The following CRNKL1 variants were observed in gnomAD, a reference collection of about 807,000 sequenced individuals.
CRNKL1 encodes the protein crooked neck-like protein 1.
In CRNKL1, 35 loss-of-function variants were observed where a neutral mutation model predicts 103.7. That is an observed-to-expected ratio of 0.34 (90% CI 0.26 to 0.45). The LOEUF (loss-of-function observed/expected upper bound fraction) is 0.45. CRNKL1 is among the 20% of genes least tolerant of loss of function. The pLI is 1.00. For synonymous variants in CRNKL1, 267 were observed against 282.6 expected (o/e 0.94, Z 0.55); for missense variants, 645 against 836.0 (o/e 0.77, Z 2.82).
upstream of CRNKL1, chr20:20,052,777 AG>A: frequency 6.6e-7 from 1 of 1,505,946 alleles, no homozygotes; most frequent in East Asian, 2.4e-5. Flanking sequence ...CGGGGGAAGA[AG>A]GGAGAGCGAG....
chr20:20,045,934 A>C (rs1285580856), intron 5 of CRNKL1, among the ~76,000 whole-genome samples: 1 of 152,216 alleles, frequency 6.6e-6, no homozygotes, highest in African/African-American at 2.4e-5. Flanking sequence ...ATGGCACCGT[A>C]AGCGGTCAAT....
chr20:20,052,700 TGGCTCTGTCGA>T, upstream of CRNKL1: 1 of 1,611,832 alleles, frequency 6.2e-7, no homozygotes, highest in Non-Finnish European at 8.5e-7. Flanking sequence ...CGAGGACGAG[TGGCTCTGTCGA>T]GCCGTGGCGC....
In CRNKL1 at chr20:20,037,468, C is replaced by G. The variant is rs371058193; in HGVS notation, c.1751G>C (p.Cys584Ser). ...YEEANKTMRN[C>S]EEKEERLMLL... ...CATAAGTCTCTCTTCCTTTTCTTCA[C>G]AGTTTCGCATGGTTTTGTTAGCTTC... Residue 584 changes from cysteine (C) to serine (S), a missense_variant, in exon 13 of 14, where the codon TGT (cysteine) becomes TCT (serine). Physicochemically the swap from Cys to Ser is moderately radical, Grantham distance 112. Transcript: ENST00000536226. 3.1e-5 allele frequency: 50 copies of G among 1,614,066 alleles called. No individual in the cohort carries two copies. Among genetic ancestry groups the G allele is most frequent in the Non-Finnish European group, 4.0e-5 (47 of 1,180,052 alleles).
chr20:20,040,585 T>C lies in CRNKL1; in HGVS notation c.1305+101A>G, dbSNP rs1022776757. On this transcript the variant is annotated intron_variant, in intron 10 of 13. Transcript: ENST00000536226. The stretch of plus-strand genomic sequence containing the variant: ...CCAGGCTATAAAGGTATAATACTTC[T>C]GTCACTCTTTAAAGTAGGAACTGTA... 281 of 863,482 alleles carry C rather than the reference T, an allele frequency of 3.3e-4. 2 individuals carry two copies. The highest frequency in any genetic ancestry group is 2.3e-5 in the Non-Finnish European group (12 of 528,100). 53.5% of individuals were successfully genotyped at this position (863,482 alleles called of 1,614,324 possible). A position where few individuals can be genotyped will look rare whatever the true frequency, so the allele number is the denominator to read the frequency against.
At chr20:20,051,511 G>A (rs1291427574) in intron 1 of CRNKL1, among the ~76,000 whole-genome samples, 1 of 152,198 alleles carries the variant, frequency 6.6e-6, no homozygotes, top group African/African-American at 2.4e-5. Context: ...GTGGAGTAAT[G>A]ATGATAATGG....
At chr20:20,054,342 C>T (rs1440642370), upstream of CRNKL1, among the ~76,000 whole-genome samples, 2 of 151,358 alleles carry the variant, frequency 1.3e-5, no homozygotes, top group South Asian at 2.1e-4. Context: ...AACTATGGGC[C>T]GTAGACTAAA....
upstream of CRNKL1, chr20:20,055,912 C>T (rs761311649): frequency 9.4e-6 from 14 of 1,484,936 alleles, no homozygotes; most frequent in Admixed American, 1.7e-5. Flanking sequence ...GAAATTGAGA[C>T]AATGAGAGAG....
At chr20:20,041,189 G>A (rs1174366037) in intron 9 of CRNKL1, among the ~76,000 whole-genome samples, 1 of 152,038 alleles carries the variant, frequency 6.6e-6, no homozygotes. Context: ...ACAAGGCGGA[G>A]GTAACATCTC....
chr20:20,038,700 A>G, intron 11 of CRNKL1: 1 of 347,660 alleles, frequency 2.9e-6, no homozygotes. Context: ...AAGTTTTTCA[A>G]ATGCTTGACT....
chr20:20,048,625 T>TA (rs919675566), intron 3 of CRNKL1, 124 bp from the exon 4 acceptor site: 2 of 898,984 alleles, frequency 2.2e-6, no homozygotes, highest in Non-Finnish European at 3.3e-6. Flanking sequence ...GTTCTGGGCA[T>TA]AAAAAAATGA....
upstream of CRNKL1, among the ~76,000 whole-genome samples, chr20:20,053,439 C>T (rs1395236970): frequency 1.3e-5 from 2 of 152,114 alleles, no homozygotes; most frequent in African/African-American, 4.8e-5. Flanking sequence ...TCATTATCAC[C>T]CAAAGTTCAT....
chr20:20,052,845 G>T, upstream of CRNKL1: 3 of 928,914 alleles, frequency 3.2e-6, no homozygotes, highest in African/African-American at 1.7e-5. Context: ...AGGCTGCAAT[G>T]CCTCGAGCAT....
chr20:20,037,304 C>T lies in CRNKL1; in HGVS notation c.1896+19G>A. 1 of 1,610,454 alleles carries T rather than the reference C, an allele frequency of 6.2e-7. No individual in the cohort carries two copies. The highest frequency in any genetic ancestry group is 8.5e-7 in the Non-Finnish European group (1 of 1,178,596). On this transcript the variant is annotated intron_variant, in intron 13 of 13. Transcript: ENST00000536226. ...ACTCATGTGACGTGAGATGAACAGT[C>T]CCAGGGCAGAGTTCTTACCCCATCA...
intron 6 of CRNKL1, among the ~76,000 whole-genome samples, chr20:20,044,482 G>A (rs59851805): frequency 0.16 from 23,963 of 152,134 alleles, 3,709 homozygotes; most frequent in East Asian, 0.6. Context: ...CCAAAAACCC[G>A]AAGTCTGAAA....
At chr20:20,040,590 C>T in intron 10 of CRNKL1, 96 bp downstream of exon 10, 4 of 910,280 alleles carry the variant, frequency 4.4e-6, no homozygotes, top group South Asian at 1.4e-5. Flanking sequence ...ACTTCTGTCA[C>T]TCTTTAAAGT....
chr20:20,052,166 C>A, intron 1 of CRNKL1, 126 bp downstream of exon 1: 1 of 834,162 alleles, frequency 1.2e-6, no homozygotes, highest in Non-Finnish European at 1.8e-6. Flanking sequence ...AGCTGCCCTT[C>A]CTCTCCATCT....
chr20:20,035,010 G>T lies in CRNKL1; in HGVS notation c.*1185C>A, dbSNP rs6136921. On this transcript the variant is annotated 3_prime_UTR_variant, in exon 14 of 14. Coordinates refer to ENST00000536226, the MANE Select transcript of CRNKL1 (RefSeq NM_001278628.2). The stretch of plus-strand genomic sequence containing the variant: ...AGTCCAGGTTAAAGGAAAACTCTCA[G>T]ATCGGTTAATGCAGTTGAATTTTTG... The T allele has an allele frequency of 6.6e-6, 1 of 152,060 alleles. No individual in the cohort carries two copies. Among genetic ancestry groups the T allele is most frequent in the Non-Finnish European group, 1.5e-5 (1 of 68,028 alleles). 9.4% of individuals were successfully genotyped at this position (152,060 alleles called of 1,614,324 possible).
chr20:20,050,719 AT>A, intron 1 of CRNKL1, 97 bp from the exon 2 acceptor site: 6 of 1,128,950 alleles, frequency 5.3e-6, no homozygotes, highest in Non-Finnish European at 7.4e-6. Context: ...CTTTGTTAGT[AT>A]TATCACAAGA....
In CRNKL1 at chr20:20,047,882, G is replaced by A. The variant is rs774415975; in HGVS notation, c.505C>T (p.Arg169Trp). The change falls in exon 5 of 14, where the codon CGG (arginine) becomes TGG (tryptophan). Residue 169 changes from arginine to tryptophan, a missense_variant. Coordinates refer to ENST00000536226, the MANE Select transcript of CRNKL1 (RefSeq NM_001278628.2). ...TCCATCCAGCGCTCAAACACCTGCCGGGCACCGGCAACGTTTCCCAACATT... is the reference window on the plus strand; with the variant it reads ...TCCATCCAGCGCTCAAACACCTGCCAGGCACCGGCAACGTTTCCCAACATT... The part of the protein sequence containing the change: ...EEMLGNVAGA[R>W]QVFERWMEWQ... 1.2e-5 allele frequency: 20 copies of A among 1,614,112 alleles called. No homozygotes were observed. The highest frequency in any genetic ancestry group is 6.7e-5 in the East Asian group (3 of 44,896).
Sources: allele counts gnomAD v4.1 joint callset (sites outside exome capture counted in the v4.1 genomes callset), GRCh38; gene constraint gnomAD v4.1.1; transcripts MANE v1.5; gene names NCBI Gene and HGNC (gene_info 2026-07-23, HGNC 2026-07-21).